ANKRD18B: variants seen among roughly 807,000 people sequenced by gnomAD.
ANKRD18B encodes ankyrin repeat domain-containing protein 18B.
ANKRD18B carries 75 observed loss-of-function variants against 111.8 expected under a neutral mutation model. The observed-to-expected ratio is 0.67, with a 90% confidence interval of 0.56 to 0.81. The LOEUF is 0.81. Among genes scored for constraint, ANKRD18B ranks in the 40% least tolerant of loss-of-function variants. The pLI, the probability that ANKRD18B is intolerant of heterozygous loss-of-function variation, is 0.00. For synonymous variants in ANKRD18B, 356 were observed against 417.3 expected (o/e 0.85, Z 1.79); for missense variants, 1,038 against 1,225.5 (o/e 0.85, Z 2.28).
At chr9:33,571,912 G>A (rs1408048374) in intron 18 of ANKRD18B, 1 of 159,640 alleles carries the variant, frequency 6.3e-6, no homozygotes, top group East Asian at 1.8e-4. Context: ...CACAAAAGTG[G>A]GATAGATGTC....
chr9:33,534,433 A>T lies in ANKRD18B; in HGVS notation c.666A>T (p.Gln222His). The change falls in exon 5 of 19, where the codon CAA (glutamine) becomes CAT (histidine). Residue 222 changes from glutamine to histidine, a missense_variant. Transcript: ENST00000684830. ...LSSIVTLLLQ[Q>H]NIHISSQDMF... ...GTATCGTCACCCTCCTGCTTCAACA[A>T]AATATACATATCTCTTCTCAAGACA... The T allele has an allele frequency of 6.4e-7, 1 of 1,551,298 alleles. No individual in the cohort carries two copies. Among genetic ancestry groups the T allele is most frequent in the Non-Finnish European group, 8.7e-7 (1 of 1,146,868 alleles).
In ANKRD18B at chr9:33,572,619, AGT is replaced by A. The variant is rs879343496; in HGVS notation, c.*188_*189del. 2.6e-5 allele frequency: 32 copies of A among 1,224,146 alleles called. No homozygotes were observed. The highest frequency in any genetic ancestry group is 3.1e-5 in the Non-Finnish European group (30 of 979,932). The allele number at this position is 1,224,146 out of a possible 1,614,324, so 75.8% of individuals were successfully genotyped here. A position where few individuals can be genotyped will look rare whatever the true frequency, so the allele number is the denominator to read the frequency against. On this transcript the variant is annotated 3_prime_UTR_variant, in exon 19 of 19. Transcript: ENST00000684830. ...TAAGTGGATCTTGCAAATGAACACC[AGT>A]GTTATTGAGTTTGACCTACTCAAAT...
intron 12 of ANKRD18B, 37 bp downstream of exon 12, chr9:33,550,616 T>C (rs756750925): frequency 8.1e-6 from 12 of 1,473,772 alleles, no homozygotes; most frequent in Non-Finnish European, 9.9e-6. Flanking sequence ...AGTTAATCTG[T>C]AGCTGGTTGA....
chr9:33,548,371 C>A lies in ANKRD18B; in HGVS notation c.1583C>A (p.Thr528Lys). Residue 528 changes from threonine to lysine, a missense_variant, in exon 11 of 19, where the codon ACA becomes AAA. Physicochemically the swap from Thr to Lys is moderately conservative, Grantham distance 78 (BLOSUM62 -1). Coordinates refer to ENST00000684830, the MANE Select transcript of ANKRD18B (RefSeq NM_001393611.1). ...WRADDVSRHE[T>K]MGSNISQLTD... ...GCAGATGATGTTTCTAGACATGAAA[C>A]AATGGGTTCTAATATTTCTCAACTA... 1.9e-6 allele frequency: 3 copies of A among 1,550,278 alleles called. No homozygotes were observed. The highest frequency in any genetic ancestry group is 1.7e-6 in the Non-Finnish European group (2 of 1,146,374).
At chr9:33,545,924 G>A (rs1828348841) in intron 10 of ANKRD18B, among the ~76,000 whole-genome samples, 1 of 152,180 alleles carries the variant, frequency 6.6e-6, no homozygotes, top group Admixed American at 6.5e-5. Flanking sequence ...GATTAGTGCT[G>A]CTGTCTAAAT....
chr9:33,549,386 C>G lies in ANKRD18B; in HGVS notation c.2067+531C>G, dbSNP rs180761180. Among the ~76,000 whole-genome samples, 53 of 152,176 alleles carry G rather than the reference C, an allele frequency of 3.5e-4. 1 individual carries two copies. Among genetic ancestry groups the G allele is most frequent in the African/African-American group, 1.3e-3 (53 of 41,530 alleles). On this transcript the variant is annotated intron_variant, in intron 11 of 18. Coordinates refer to ENST00000684830, the MANE Select transcript of ANKRD18B (RefSeq NM_001393611.1). ...GTCACCTATGAAATGTTAGTAGATG[C>G]AGAGCAATGCTGATAAGGTGTGTAG...
chr9:33,544,922 G>A (rs1188463604), intron 10 of ANKRD18B, among the ~76,000 whole-genome samples: 1 of 152,164 alleles, frequency 6.6e-6, no homozygotes, highest in African/African-American at 2.4e-5. Context: ...TCCTGAGGAA[G>A]AGCTCTTACA....
chr9:33,552,179 A>G (rs554877354), intron 12 of ANKRD18B, among the ~76,000 whole-genome samples: 54 of 152,342 alleles, frequency 3.5e-4, no homozygotes, highest in African/African-American at 1.3e-3. Flanking sequence ...TTCTAAGTGT[A>G]TTTTTAGCAA....
chr9:33,530,134 A>T (rs1453153943), intron 3 of ANKRD18B, among the ~76,000 whole-genome samples: 1 of 152,126 alleles, frequency 6.6e-6, no homozygotes, highest in African/African-American at 2.4e-5. Flanking sequence ...TTGATAAAGG[A>T]TATTGGCCAT....
chr9:33,567,326 CAT>C lies in ANKRD18B; in HGVS notation c.2954+16_2954+17del. ...GAAAAAATAACGAAGTAAGTCAAAA[CAT>C]ATACTCATAGAAAATGAATTAAACT... is the stretch of plus-strand genomic sequence containing the variant. On this transcript the variant is annotated intron_variant, in intron 16 of 18. Coordinates refer to ENST00000684830, the MANE Select transcript of ANKRD18B (RefSeq NM_001393611.1). The C allele has an allele frequency of 1.3e-6, 2 of 1,530,674 alleles. No individual in the cohort carries two copies. Among genetic ancestry groups the C allele is most frequent in the South Asian group, 1.3e-5 (1 of 78,994 alleles). 94.8% of individuals were successfully genotyped at this position (1,530,674 alleles called of 1,614,324 possible).
intron 12 of ANKRD18B, among the ~76,000 whole-genome samples, chr9:33,552,126 C>A (rs749167546): frequency 6.6e-6 from 1 of 152,148 alleles, no homozygotes; most frequent in Non-Finnish European, 1.5e-5. Flanking sequence ...ATATACCATA[C>A]CAATTATTTC....
chr9:33,531,349 T>A (rs1208370573), intron 3 of ANKRD18B, among the ~76,000 whole-genome samples: 3 of 152,210 alleles, frequency 2.0e-5, no homozygotes, highest in Non-Finnish European at 2.9e-5. Flanking sequence ...ACTTGGTTTA[T>A]ACACAATCAT....
At chr9:33,533,307 G>A (rs1828143414) in intron 3 of ANKRD18B, 132 bp from the exon 4 acceptor site, 1 of 1,455,442 alleles carries the variant, frequency 6.9e-7, no homozygotes, top group Admixed American at 2.9e-5. Flanking sequence ...GGAGTGAAAG[G>A]GACGGGACTG....
rs775420630 is a variant in ANKRD18B at position 33,529,056 on chromosome 9, T to A, written c.378T>A (p.Asn126Lys). The change falls in exon 3 of 19, where the codon AAT becomes AAA. Residue 126 changes from asparagine (N) to lysine (K), a missense_variant. This residue lies in a region of ANKRD18B where 216 missense variants were observed against 205.1 expected (regional missense o/e 1.05). Coordinates refer to ENST00000684830, the MANE Select transcript of ANKRD18B (RefSeq NM_001393611.1). ...CAIILLKRGA[N>K]PNIKDIYGNT... is the part of the protein sequence containing the mutation. ...TTATTCTCCTGAAACGTGGCGCCAATCCAAACATTAAGGATATCTACGGCA... is the reference window on the plus strand; with the variant it reads ...TTATTCTCCTGAAACGTGGCGCCAAACCAAACATTAAGGATATCTACGGCA... The A allele has an allele frequency of 6.2e-7, 1 of 1,612,242 alleles. No homozygotes were observed. Among genetic ancestry groups the A allele is most frequent in the Admixed American group, 1.7e-5 (1 of 60,004 alleles).
At chr9:33,550,303 T>C in intron 11 of ANKRD18B, 127 bp from the exon 12 acceptor site, 1 of 1,005,758 alleles carries the variant, frequency 9.9e-7, no homozygotes, top group Non-Finnish European at 1.4e-6. Flanking sequence ...AAAGTGTACA[T>C]ATGAGGAAAA....
downstream of ANKRD18B, among the ~76,000 whole-genome samples, chr9:33,575,014 A>T (rs969788907): frequency 3.3e-5 from 5 of 152,166 alleles, no homozygotes; most frequent in African/African-American, 1.2e-4. Flanking sequence ...GCTCAGACTC[A>T]GGTGAGTGGG....
At chr9:33,572,094 G>C in intron 18 of ANKRD18B, 1 of 538,664 alleles carries the variant, frequency 1.9e-6, no homozygotes, top group Non-Finnish European at 3.3e-6. Context: ...GCACGTGGCT[G>C]TTGAGTGCAT....
chr9:33,535,185 G>GAC (rs879694569), intron 5 of ANKRD18B, among the ~76,000 whole-genome samples: 14 of 151,970 alleles, frequency 9.2e-5, no homozygotes, highest in Non-Finnish European at 1.8e-4. Flanking sequence ...CTGCAATCTG[G>GAC]TAATGATTGA....
chr9:33,559,874 A>G (rs1828580429), intron 14 of ANKRD18B, among the ~76,000 whole-genome samples: 1 of 152,184 alleles, frequency 6.6e-6, no homozygotes, highest in South Asian at 2.1e-4. Context: ...GTATTTTCAG[A>G]GTTATGTAAT....
Sources: gnomAD v4.1 joint callset for allele counts (sites outside exome capture counted in the v4.1 genomes callset) on GRCh38, gnomAD v4.1.1 for gene constraint, gnomAD v4.1.1 regional missense constraint, MANE v1.5 for transcripts, NCBI Gene and HGNC (gene_info 2026-07-23, HGNC 2026-07-21) for gene names.